Variants in INPP4B observed in about 807,000 individuals in gnomAD.
INPP4B encodes the protein inositol polyphosphate 4-phosphatase type II.
In INPP4B, 55 loss-of-function variants were observed where a neutral mutation model predicts 122.5. The ratio of observed to expected loss-of-function variants is 0.45; its 90% CI spans 0.36 to 0.56. INPP4B has a LOEUF of 0.56. Ranked by LOEUF, INPP4B falls within the 20% of genes least tolerant of loss-of-function variation. The probability of loss-of-function intolerance (pLI) is 0.00; values close to 1 mark genes in which losing one functional copy is unlikely to be tolerated. For missense variants in INPP4B, 1,000 were observed against 1,097.7 expected (o/e 0.91, Z 1.26); for synonymous variants, 403 against 388.7 (o/e 1.04, Z -0.43).
At chr4:142,665,966 C>T (rs1390937599) in intron 2 of INPP4B, among the ~76,000 whole-genome samples, 2 of 152,010 alleles carry the variant, frequency 1.3e-5, no homozygotes, top group Non-Finnish European at 2.9e-5. Context: ...AGATTAGAAA[C>T]AATAACAAAT....
At chr4:142,126,939 GA>G (rs1057089669) in intron 18 of INPP4B, among the ~76,000 whole-genome samples, 18 of 152,148 alleles carry the variant, frequency 1.2e-4, no homozygotes, top group Middle Eastern at 3.4e-3. Flanking sequence ...GGAAACACTA[GA>G]AAAAACTTCA....
chr4:142,582,025 G>T (rs1479398991), intron 2 of INPP4B, among the ~76,000 whole-genome samples: 2 of 152,048 alleles, frequency 1.3e-5, no homozygotes, highest in African/African-American at 4.8e-5. Context: ...GCCAGCAACT[G>T]CTGTATTAGC....
intron 2 of INPP4B, chr4:142,496,770 C>G (rs1822625914): frequency 6.6e-6 from 1 of 152,140 alleles, no homozygotes; most frequent in Non-Finnish European, 1.5e-5. Context: ...CTCATGCTTT[C>G]AATTATTCAC....
At chr4:142,321,444 C>A (rs1225023811) in intron 7 of INPP4B, among the ~76,000 whole-genome samples, 2 of 152,040 alleles carry the variant, frequency 1.3e-5, no homozygotes, top group African/African-American at 4.8e-5. Flanking sequence ...TAAATCCCAT[C>A]TATTTCTCTC....
At chr4:142,356,251 C>A (rs1448126242) in intron 7 of INPP4B, among the ~76,000 whole-genome samples, 2 of 146,694 alleles carry the variant, frequency 1.4e-5, no homozygotes, top group Non-Finnish European at 3.0e-5. Flanking sequence ...GAAAGGCATT[C>A]TAGATAAAAG....
intron 21 of INPP4B, among the ~76,000 whole-genome samples, chr4:142,121,483 G>A (rs539979146): frequency 3.0e-4 from 46 of 152,066 alleles, no homozygotes; most frequent in African/African-American, 9.4e-4. Context: ...CACTAACACC[G>A]GAATAGTTTG....
At chr4:142,313,512 C>T (rs1561829172) in intron 8 of INPP4B, among the ~76,000 whole-genome samples, 1 of 152,124 alleles carries the variant, frequency 6.6e-6, no homozygotes, top group Non-Finnish European at 1.5e-5. Context: ...GTGAGCTGAG[C>T]CCTGAGCTGT....
intron 2 of INPP4B, among the ~76,000 whole-genome samples, chr4:142,608,236 A>G (rs1467282555): frequency 6.6e-6 from 1 of 152,150 alleles, no homozygotes; most frequent in Non-Finnish European, 1.5e-5. Context: ...TTCTGGCAGA[A>G]TTACCAGGAC....
At chr4:142,582,367 T>C (rs1735292670) in intron 2 of INPP4B, among the ~76,000 whole-genome samples, 1 of 152,056 alleles carries the variant, frequency 6.6e-6, no homozygotes, top group African/African-American at 2.4e-5. Context: ...GCATAGGCAG[T>C]TTTATTTTTC....
chr4:142,290,637 G>GA, intron 9 of INPP4B, among the ~76,000 whole-genome samples: 1 of 152,168 alleles, frequency 6.6e-6, no homozygotes, highest in East Asian at 1.9e-4. Context: ...TCTTTTGTTT[G>GA]AAACACTACC....
intron 1 of INPP4B, among the ~76,000 whole-genome samples, chr4:142,797,273 G>C (rs1238419273): frequency 2.0e-5 from 3 of 151,874 alleles, no homozygotes; most frequent in Admixed American, 2.0e-4. Context: ...AGGCACCCAG[G>C]TGTTCTAAAA....
intron 7 of INPP4B, among the ~76,000 whole-genome samples, chr4:142,316,764 G>T (rs1265125301): frequency 6.6e-6 from 1 of 152,056 alleles, no homozygotes; most frequent in Non-Finnish European, 1.5e-5. Flanking sequence ...TTTAATATTG[G>T]ACAAAGGTAG....
intron 20 of INPP4B, among the ~76,000 whole-genome samples, chr4:142,122,549 G>A (rs1173953139): frequency 6.6e-6 from 1 of 152,034 alleles, no homozygotes; most frequent in African/African-American, 2.4e-5. Flanking sequence ...CTACTGGCAG[G>A]ACTGATATCT....
At chr4:142,807,629 G>A (rs532109785) in intron 1 of INPP4B, among the ~76,000 whole-genome samples, 8 of 152,078 alleles carry the variant, frequency 5.3e-5, no homozygotes, top group Non-Finnish European at 1.0e-4. Flanking sequence ...AGACCAAAGC[G>A]TGCAACCATC....
At chr4:142,349,889 G>A (rs1781429958) in intron 7 of INPP4B, among the ~76,000 whole-genome samples, 1 of 98,400 alleles carries the variant, frequency 1.0e-5, no homozygotes, top group Non-Finnish European at 2.5e-5. Flanking sequence ...TGTCAGATAA[G>A]TTGTAAAAAA....
rs900788436 is a variant in INPP4B, at chr4:142,450,963, C to A, written c.-127+11700G>T. On this transcript the variant is annotated intron_variant, in intron 3 of 25. Transcript: ENST00000262992. ...GTTTTTATTTATATTATTCTTAATT[C>A]TTAAAATTAACTCCCCCCCCCAAAA... 6.4e-5 allele frequency among the ~76,000 whole-genome samples: 9 copies of A among 141,230 alleles called. No individual in the cohort carries two copies. In the South Asian group the frequency reaches 8.6e-4, roughly 14 times the overall value. The allele number at this position is 141,230 out of a possible 152,430, so 92.7% of individuals were successfully genotyped here.
At chr4:142,257,121 T>G (rs963370493) in intron 11 of INPP4B, among the ~76,000 whole-genome samples, 1 of 152,222 alleles carries the variant, frequency 6.6e-6, no homozygotes, top group South Asian at 2.1e-4. Context: ...ATTATCTCAA[T>G]AGATGCAGAA....
chr4:142,063,649 ATAAATT>A (rs1215515159), intron 25 of INPP4B, among the ~76,000 whole-genome samples: 1 of 152,190 alleles, frequency 6.6e-6, no homozygotes, highest in Non-Finnish European at 1.5e-5. Flanking sequence ...ATATATACAC[ATAAATT>A]TATTTTCCCT....
chr4:142,163,048 C>T (rs994617338), intron 16 of INPP4B, among the ~76,000 whole-genome samples: 6 of 151,780 alleles, frequency 4.0e-5, no homozygotes, highest in Admixed American at 2.0e-4. Flanking sequence ...ATTGATGTTT[C>T]GCAGTCAAAT....
Sources: allele counts gnomAD v4.1 joint callset (sites outside exome capture counted in the v4.1 genomes callset), GRCh38; gene constraint gnomAD v4.1.1; transcripts MANE v1.5; gene names NCBI Gene and HGNC (gene_info 2026-07-23, HGNC 2026-07-21).